Variants in NOVA1 observed in about 807,000 individuals in gnomAD.
NOVA1 encodes RNA-binding protein Nova-1.
NOVA1 carries 7 observed loss-of-function variants against 38.0 expected under a neutral mutation model. The ratio of observed to expected loss-of-function variants is 0.18; its 90% CI spans 0.10 to 0.35. The LOEUF is 0.35. Ranked by LOEUF, NOVA1 falls within the 10% of genes least tolerant of loss-of-function variation. The probability of loss-of-function intolerance (pLI) is 1.00; values close to 1 mark genes in which losing one functional copy is unlikely to be tolerated. For missense variants in NOVA1, 460 were observed against 616.0 expected (o/e 0.75, Z 2.68); for synonymous variants, 270 against 232.5 (o/e 1.16, Z -1.47).
At chr14:26,493,408 CAT>C (rs1176711631) in intron 2 of NOVA1, among the ~76,000 whole-genome samples, 1 of 152,168 alleles carries the variant, frequency 6.6e-6, no homozygotes, top group Admixed American at 6.5e-5. Flanking sequence ...ATTCTTCTTT[CAT>C]ATAAGTCTCT....
At chr14:26,472,718 A>T (rs1884685831) in intron 3 of NOVA1, among the ~76,000 whole-genome samples, 1 of 151,432 alleles carries the variant, frequency 6.6e-6, no homozygotes, top group African/African-American at 2.4e-5. Context: ...TGGGGAAAAG[A>T]GATGTAAAAA....
chr14:26,545,340 T>C (rs1890723164), intron 2 of NOVA1, among the ~76,000 whole-genome samples: 1 of 152,084 alleles, frequency 6.6e-6, no homozygotes, highest in Non-Finnish European at 1.5e-5. Flanking sequence ...GAGGTTGAGT[T>C]ATACAGAGGA....
chr14:26,528,751 C>A (rs749151042), intron 2 of NOVA1, among the ~76,000 whole-genome samples: 1 of 152,128 alleles, frequency 6.6e-6, no homozygotes, highest in Admixed American at 6.5e-5. Context: ...GATTAATTTT[C>A]GGGACACTGT....
chr14:26,480,339 C>G (rs2138296659), intron 2 of NOVA1, among the ~76,000 whole-genome samples, 196 bp from the exon 3 acceptor site: 1 of 152,164 alleles, frequency 6.6e-6, no homozygotes, highest in Admixed American at 6.5e-5. Context: ...TTGTTTTGGT[C>G]TCAAAAAGGG....
intron 4 of NOVA1, among the ~76,000 whole-genome samples, chr14:26,451,583 G>A (rs181574085): frequency 2.0e-5 from 3 of 152,046 alleles, no homozygotes; most frequent in Non-Finnish European, 4.4e-5. Flanking sequence ...ATGTTGTCCA[G>A]GCTGGTCTCA....
intron 2 of NOVA1, among the ~76,000 whole-genome samples, chr14:26,486,477 A>G (rs1885898803): frequency 6.6e-6 from 1 of 151,916 alleles, no homozygotes; most frequent in Admixed American, 6.6e-5. Flanking sequence ...TGGGAGGCTG[A>G]GGCGGGCGGA....
chr14:26,572,764 G>GTGTGTGTGTGTGTA (rs1566548715), intron 2 of NOVA1, among the ~76,000 whole-genome samples: 1 of 149,008 alleles, frequency 6.7e-6, no homozygotes, highest in African/African-American at 2.5e-5. Flanking sequence ...GTGTGTGTGT[G>GTGTGTGTGTGTGTA]TATGTGTGTC....
chr14:26,502,955 AT>A (rs1332848050), intron 2 of NOVA1, among the ~76,000 whole-genome samples: 1 of 151,986 alleles, frequency 6.6e-6, no homozygotes, highest in African/African-American at 2.4e-5. Context: ...TTTTCTCCTA[AT>A]TGAGGATCAA....
chr14:26,463,738 T>TA (rs1160326672), intron 4 of NOVA1, among the ~76,000 whole-genome samples: 1 of 152,216 alleles, frequency 6.6e-6, no homozygotes, highest in East Asian at 1.9e-4. Context: ...CTTGATTTCG[T>TA]ACACCATAAT....
intron 2 of NOVA1, chr14:26,593,355 T>C (rs191292432): frequency 1.3e-5 from 2 of 152,000 alleles, no homozygotes; most frequent in Non-Finnish European, 3.0e-5. Context: ...TTAAAATTAA[T>C]GTCTATCTGA....
In NOVA1 at chr14:26,444,566, A is replaced by G. The variant is rs1365264579; in HGVS notation, c.*3393T>C. 1.3e-5 allele frequency: 2 copies of G among 152,156 alleles called. No individual in the cohort carries two copies. Among genetic ancestry groups the G allele is most frequent in the Admixed American group, 1.3e-4 (2 of 15,260 alleles). The allele number at this position is 152,156 out of a possible 1,614,324, so 9.4% of individuals were successfully genotyped here. ...AAAAGAGCTTAGATCTATTGTAAGC[A>G]ATGAGTCGAAATGAGCCGTTACAGG... On this transcript the variant is annotated 3_prime_UTR_variant, in exon 5 of 5. Transcript: ENST00000539517.
At chr14:26,519,148 T>C (rs1179327287) in intron 2 of NOVA1, 4 of 152,022 alleles carry the variant, frequency 2.6e-5, no homozygotes, top group Non-Finnish European at 5.9e-5. Flanking sequence ...GTATTTCAAA[T>C]TTATATTTCC....
At chr14:26,454,040 C>T (rs1398028970) in intron 4 of NOVA1, among the ~76,000 whole-genome samples, 1 of 152,066 alleles carries the variant, frequency 6.6e-6, no homozygotes, top group African/African-American at 2.4e-5. Context: ...ATAAGGCTGA[C>T]AATCTTTCAA....
At chr14:26,563,146 C>G (rs1468968213) in intron 2 of NOVA1, among the ~76,000 whole-genome samples, 1 of 151,638 alleles carries the variant, frequency 6.6e-6, no homozygotes, top group South Asian at 2.1e-4. Context: ...AAAGCTTTGA[C>G]AAAACGTCTC....
At chr14:26,590,333 G>A (rs183604243) in intron 2 of NOVA1, among the ~76,000 whole-genome samples, 11 of 151,876 alleles carry the variant, frequency 7.2e-5, no homozygotes, top group Admixed American at 6.6e-4. Flanking sequence ...TCCCACCTTC[G>A]TCCCCCCAGT....
At chr14:26,544,033 T>A (rs1890636422) in intron 2 of NOVA1, among the ~76,000 whole-genome samples, 1 of 151,954 alleles carries the variant, frequency 6.6e-6, no homozygotes, top group African/African-American at 2.4e-5. Context: ...AATTAAAGAC[T>A]CATGCCCTCA....
chr14:26,548,944 C>G (rs1365872785), intron 2 of NOVA1, among the ~76,000 whole-genome samples: 1 of 151,944 alleles, frequency 6.6e-6, no homozygotes, highest in Non-Finnish European at 1.5e-5. Flanking sequence ...CCTATCTCTA[C>G]AGAAAGTAAA....
At chr14:26,450,423 G>A (rs1882568790) in intron 4 of NOVA1, among the ~76,000 whole-genome samples, 2 of 151,376 alleles carry the variant, frequency 1.3e-5, no homozygotes, top group South Asian at 2.1e-4. Flanking sequence ...TTATTTCCAT[G>A]CACACAATTT....
chr14:26,521,766 A>C (rs1888916682), intron 2 of NOVA1, among the ~76,000 whole-genome samples: 1 of 152,112 alleles, frequency 6.6e-6, no homozygotes, highest in Admixed American at 6.5e-5. Context: ...TCAGAAAGTA[A>C]ATATTTTATG....
Sources: allele counts gnomAD v4.1 joint callset (sites outside exome capture counted in the v4.1 genomes callset), GRCh38; gene constraint gnomAD v4.1.1; transcripts MANE v1.5; gene names NCBI Gene and HGNC (gene_info 2026-07-23, HGNC 2026-07-21).